IPO7: variants seen among roughly 807,000 people sequenced by gnomAD.
IPO7 encodes the protein importin-7.
IPO7 carries 13 observed loss-of-function variants against 136.4 expected under a neutral mutation model. The ratio of observed to expected loss-of-function variants is 0.10; its 90% CI spans 0.06 to 0.15. The LOEUF (loss-of-function observed/expected upper bound fraction) is 0.15. Among genes scored for constraint, IPO7 ranks in the 10% least tolerant of loss-of-function variants. The pLI is 1.00. For missense variants in IPO7, 857 were observed against 1,240.6 expected (o/e 0.69, Z 4.65); for synonymous variants, 403 against 404.4 (o/e 1.00, Z 0.04).
Position 9,423,815 on chromosome 11 carries a change from T to C in IPO7, c.1080T>C (p.Tyr360=). The C allele has an allele frequency of 6.2e-7, 1 of 1,610,058 alleles. No homozygotes were observed. The highest frequency in any genetic ancestry group is 8.5e-7 in the Non-Finnish European group (1 of 1,177,112). Residue 360 remains tyrosine, a synonymous_variant, in exon 10 of 25, where the codon TAT becomes TAC. Transcript: ENST00000379719. ...ATGTTATTTTTCCATTGATGTGCTATACAGATGCTGATGAGGAACTTTGGC... is the reference window on the plus strand; with the variant it reads ...ATGTTATTTTTCCATTGATGTGCTACACAGATGCTGATGAGGAACTTTGGC... ...IQDVIFPLMC[Y]TDADEELWQE...
rs374921061 is a variant in IPO7 at position 9,438,044 on chromosome 11, AGTTTTTTTTTTTTTTT to A, written c.2490-35_2490-20del. 9.7e-7 allele frequency: 1 copy of A among 1,035,556 alleles called. No individual in the cohort carries two copies. The highest frequency in any genetic ancestry group is 1.3e-6 in the Non-Finnish European group (1 of 754,418). The allele number at this position is 1,035,556 out of a possible 1,614,324, so 64.1% of individuals were successfully genotyped here. ...CTCTGCTTATTTAAGAAAAGAAAAC[AGTTTTTTTTTTTTTTT>A]TTTTTTTTTTTTTTTTTAGGCTTCA... On this transcript the variant is annotated intron_variant, in intron 21 of 24. Transcript: ENST00000379719.
chr11:9,428,447 T>G, intron 12 of IPO7, 93 bp from the exon 13 acceptor site: 1 of 552,514 alleles, frequency 1.8e-6, no homozygotes, highest in Non-Finnish European at 3.2e-6. Context: ...ATATGTAACA[T>G]TAATAGTCAT....
chr11:9,423,232 TTG>T, intron 9 of IPO7, 92 bp downstream of exon 9: 1 of 788,498 alleles, frequency 1.3e-6, no homozygotes, highest in Non-Finnish European at 2.0e-6. Flanking sequence ...GTTTGTTGAG[TTG>T]TGTTACTTAG....
At chr11:9,419,559 A>AAAAAAAAAATATATATATATATAT (rs1256216265) in intron 6 of IPO7, among the ~76,000 whole-genome samples, 1 of 116,864 alleles carries the variant, frequency 8.6e-6, no homozygotes, top group African/African-American at 3.8e-5. Flanking sequence ...AAAAAAAAAA[A>AAAAAAAAAATATATATATATATAT]ATATATATAT....
rs1284915407 is a variant in IPO7 at position 9,436,276 on chromosome 11, T to C, written c.2178T>C (p.Leu726=). 1.2e-6 allele frequency: 2 copies of C among 1,611,268 alleles called. No homozygotes were observed. The highest frequency in any genetic ancestry group is 1.7e-6 in the Non-Finnish European group (2 of 1,177,516). Reference sequence around the variant, plus strand: ...TTATATTCTGTTTTGATCAGGTTCTTACAGGAGTTGCAGGAGAAGATGCAG... The same window carrying C: ...TTATATTCTGTTTTGATCAGGTTCTCACAGGAGTTGCAGGAGAAGATGCAG... ...EMIYSMCKKV[L]TGVAGEDAEC... The change falls in exon 20 of 25, where the codon CTT becomes CTC. Residue 726 remains leucine (L), a synonymous_variant. Coordinates refer to ENST00000379719, the MANE Select transcript of IPO7 (RefSeq NM_006391.3).
chr11:9,414,948 G>A (rs1249507600), intron 5 of IPO7, among the ~76,000 whole-genome samples: 1 of 151,524 alleles, frequency 6.6e-6, no homozygotes, highest in Non-Finnish European at 1.5e-5. Context: ...AATTGCAAAT[G>A]GGCAATGTCA....
rs1445334289 is a variant in IPO7 at position 9,429,106 on chromosome 11, A to G, written c.1501A>G (p.Thr501Ala). ...GAACCTTCAAACAGCCTTAGAGCTA[A>G]CAAGAAGATGTCTGATTGATGATAG... ...DQNLQTALEL[T>A]RRCLIDDREM... The change falls in exon 14 of 25, where the codon ACA becomes GCA. Residue 501 changes from threonine (T) to alanine (A), a missense_variant. Coordinates refer to ENST00000379719, the MANE Select transcript of IPO7 (RefSeq NM_006391.3). The G allele has an allele frequency of 6.2e-7, 1 of 1,613,856 alleles. No individual in the cohort carries two copies. Among genetic ancestry groups the G allele is most frequent in the East Asian group, 2.2e-5 (1 of 44,898 alleles).
intron 1 of IPO7, among the ~76,000 whole-genome samples, chr11:9,400,146 C>CTT (rs1230420693): frequency 6.6e-6 from 1 of 152,054 alleles, no homozygotes; most frequent in Non-Finnish European, 1.5e-5. Flanking sequence ...AGTTGCTGTA[C>CTT]TTATATTAAG....
Position 9,417,041 on chromosome 11 carries a change from T to C in IPO7, c.637-18T>C. 8.4e-7 allele frequency: 1 copy of C among 1,183,782 alleles called. No individual in the cohort carries two copies. The highest frequency in any genetic ancestry group is 1.5e-5 in the African/African-American group (1 of 65,416). 73.3% of individuals were successfully genotyped at this position (1,183,782 alleles called of 1,614,324 possible). ...TTTAGCAAGGATTTCGAAATATTAATTCTTGACTTTTATTTAGTATACACT... is the reference window on the plus strand; with the variant it reads ...TTTAGCAAGGATTTCGAAATATTAACTCTTGACTTTTATTTAGTATACACT... On this transcript the variant is annotated intron_variant, in intron 5 of 24. Transcript: ENST00000379719.
In IPO7 at chr11:9,431,072, T is replaced by A. The variant is rs1774761510; in HGVS notation, c.1881+69T>A. The stretch of plus-strand genomic sequence containing the variant: ...GCTTTTTAGAGGGCTCTAATATCTC[T>A]CTGGCATCTCATGTACCATGTTTTT... On this transcript the variant is annotated intron_variant, in intron 16 of 24. Transcript: ENST00000379719. 3 of 1,250,216 alleles carry A rather than the reference T, an allele frequency of 2.4e-6. No homozygotes were observed. In the South Asian group the frequency reaches 3.8e-5, roughly 16 times the overall value. The allele number at this position is 1,250,216 out of a possible 1,614,324, so 77.4% of individuals were successfully genotyped here.
At chr11:9,440,390 T>C in intron 22 of IPO7, 65 bp from the exon 23 acceptor site, 1 of 1,273,410 alleles carries the variant, frequency 7.9e-7, no homozygotes, top group South Asian at 1.2e-5. Flanking sequence ...ATTGAGATGA[T>C]TGTCAATTTG....
intron 2 of IPO7, among the ~76,000 whole-genome samples, chr11:9,403,737 AT>A (rs1457964582): frequency 6.6e-6 from 1 of 152,242 alleles, no homozygotes; most frequent in Non-Finnish European, 1.5e-5. Context: ...AAAAAGTATT[AT>A]ACTATTTTTA....
intron 1 of IPO7, among the ~76,000 whole-genome samples, chr11:9,387,505 G>GCTAT (rs567744107): frequency 5.1e-4 from 78 of 152,262 alleles, no homozygotes; most frequent in African/African-American, 1.8e-3. Flanking sequence ...CTATAGCACT[G>GCTAT]ATTTGTCATA....
rs752231289 is a variant in IPO7, at chr11:9,438,235, A to G, written c.2645A>G (p.His882Arg). 2.2e-5 allele frequency: 35 copies of G among 1,610,216 alleles called. No homozygotes were observed. Among genetic ancestry groups the G allele is most frequent in the Non-Finnish European group, 1.3e-5 (15 of 1,177,198 alleles). Residue 882 changes from histidine (H) to arginine (R), a missense_variant, in exon 22 of 25, where the codon CAT becomes CGT. Coordinates refer to ENST00000379719, the MANE Select transcript of IPO7 (RefSeq NM_006391.3). The part of the protein sequence containing the change: ...LKRAYACHAE[H>R]ENDSDDDDEA... ...AGAGCATATGCCTGCCATGCAGAAC[A>G]TGAGAATGACAGTGATGATGATGAT...
rs1234426115 is a variant in IPO7 at position 9,409,971 on chromosome 11, T to C, written c.364T>C (p.Tyr122His). 3 of 1,602,270 alleles carry C rather than the reference T, an allele frequency of 1.9e-6. No individual in the cohort carries two copies. ...TCIHHIIKHD[Y>H]PSRWTAIVDK... is the part of the protein sequence containing the mutation. Reference sequence around the variant, plus strand: ...CATTCATCACATCATCAAACATGATTATCCAAGCCGCTGGACTGCCATTGT... The same window carrying C: ...CATTCATCACATCATCAAACATGATCATCCAAGCCGCTGGACTGCCATTGT... Residue 122 changes from tyrosine to histidine, a missense_variant, in exon 4 of 25, where the codon TAT (tyrosine) becomes CAT (histidine). Transcript: ENST00000379719.
chr11:9,435,030 A>C lies in IPO7; in HGVS notation c.2171A>C (p.Lys724Thr), dbSNP rs772905595. 1 of 1,573,718 alleles carries C rather than the reference A, an allele frequency of 6.4e-7. No homozygotes were observed. Among genetic ancestry groups the C allele is most frequent in the Admixed American group, 1.7e-5 (1 of 59,316 alleles). ...YLEMIYSMCK[K>T]VLTGVAGEDA... ...GAAATGATATACAGTATGTGCAAAA[A>C]GGTAGGTCATTTTTATATATCAGAT... is the stretch of plus-strand genomic sequence containing the variant. The change falls in exon 19 of 25, where the codon AAG becomes ACG. Residue 724 changes from lysine to threonine, a missense_variant and splice_region_variant. Around this residue, in one of 11 missense-constraint regions of IPO7, gnomAD observed 190 missense variants for 249.0 expected, o/e 0.76. Transcript: ENST00000379719.
intron 1 of IPO7, among the ~76,000 whole-genome samples, chr11:9,390,224 T>A (rs1244442258): frequency 6.6e-6 from 1 of 152,104 alleles, no homozygotes; most frequent in Non-Finnish European, 1.5e-5. Flanking sequence ...GCAGTGCTAC[T>A]TTCTCACTTG....
intron 23 of IPO7, among the ~76,000 whole-genome samples, chr11:9,441,399 C>T (rs1448728740): frequency 6.6e-6 from 1 of 152,102 alleles, no homozygotes; most frequent in African/African-American, 2.4e-5. Context: ...ATTAAATTTC[C>T]CCTGTATTTG....
intron 2 of IPO7, among the ~76,000 whole-genome samples, chr11:9,404,865 C>G (rs1022786789): frequency 2.6e-5 from 4 of 151,916 alleles, no homozygotes; most frequent in Non-Finnish European, 5.9e-5. Flanking sequence ...CGCGCCCGGC[C>G]TTCAGATTCA....
Sources: gnomAD v4.1 joint callset for allele counts (sites outside exome capture counted in the v4.1 genomes callset) on GRCh38, gnomAD v4.1.1 for gene constraint, gnomAD v4.1.1 regional missense constraint, MANE v1.5 for transcripts, NCBI Gene and HGNC (gene_info 2026-07-23, HGNC 2026-07-21) for gene names.